Variants in BLTP3A observed in about 807,000 individuals in gnomAD.
BLTP3A encodes the protein ICBP90 binding protein 1.
chr6:34,802,808 A>G, the BLTP3A span, among the ~76,000 whole-genome samples: 44 of 152,284 alleles, frequency 2.9e-4, no homozygotes, highest in East Asian at 7.7e-3. Flanking sequence ...CTTTTATATT[A>G]TACTTTGGAC....
chr6:34,821,677 C>T, the BLTP3A span: 1 of 1,612,468 alleles, frequency 6.2e-7, no homozygotes, highest in Non-Finnish European at 8.5e-7. Flanking sequence ...TTTCCCCAGA[C>T]AAAATCAACC....
At chr6:34,811,300 A>G in the BLTP3A span, among the ~76,000 whole-genome samples, 2 of 152,218 alleles carry the variant, frequency 1.3e-5, no homozygotes, top group Non-Finnish European at 2.9e-5. Context: ...ATGGAAATGA[A>G]AAAGACCTAG....
At chr6:34,871,124 G>A in the BLTP3A span, 1 of 1,605,780 alleles carries the variant, frequency 6.2e-7, no homozygotes, top group Admixed American at 1.7e-5. Context: ...AAGGTGTGAG[G>A]AACCTTTGGT....
the BLTP3A span, among the ~76,000 whole-genome samples, chr6:34,857,143 C>T: frequency 1.3e-5 from 2 of 152,190 alleles, no homozygotes; most frequent in South Asian, 2.1e-4. Flanking sequence ...TTGAACCTCC[C>T]GCTGAAAAAA....
chr6:34,872,347 T>C, the BLTP3A span: 31 of 1,611,828 alleles, frequency 1.9e-5, no homozygotes, highest in African/African-American at 9.4e-5. Flanking sequence ...AAAGAACTTA[T>C]AGAAACTAAA....
chr6:34,852,420 T>C, the BLTP3A span, among the ~76,000 whole-genome samples: 1,287 of 152,230 alleles, frequency 8.5e-3, 19 homozygotes, highest in African/African-American at 0.027. Flanking sequence ...TATCTAGAAA[T>C]GTCATGCGGG....
the BLTP3A span, among the ~76,000 whole-genome samples, chr6:34,839,535 C>T: frequency 6.6e-6 from 1 of 152,186 alleles, no homozygotes; most frequent in Non-Finnish European, 1.5e-5. Context: ...AGATATGTGT[C>T]AGGTCCATGA....
At chr6:34,808,346 CAAAAAAAAA>C in the BLTP3A span, among the ~76,000 whole-genome samples, 80 of 26,722 alleles carry the variant, frequency 3.0e-3, no homozygotes, top group African/African-American at 0.011. Flanking sequence ...AACTCCGTCT[CAAAAAAAAA>C]AAAAAAAAAA....
At chr6:34,822,134 A>G in the BLTP3A span, among the ~76,000 whole-genome samples, 3 of 152,042 alleles carry the variant, frequency 2.0e-5, no homozygotes, top group East Asian at 5.8e-4. Context: ...GAACTGCTGT[A>G]TGGTATAGGA....
the BLTP3A span, among the ~76,000 whole-genome samples, chr6:34,844,340 T>C: frequency 6.6e-6 from 1 of 152,186 alleles, no homozygotes; most frequent in African/African-American, 2.4e-5. Context: ...AGTGGCAAGA[T>C]GTCAGCTTAC....
chr6:34,834,359 C>A, the BLTP3A span: 1 of 1,613,896 alleles, frequency 6.2e-7, no homozygotes, highest in Non-Finnish European at 8.5e-7. Flanking sequence ...CAACTGGCAG[C>A]AGAGTGACCT....
chr6:34,813,881 G>T, the BLTP3A span, among the ~76,000 whole-genome samples: 1 of 152,148 alleles, frequency 6.6e-6, no homozygotes, highest in Admixed American at 6.5e-5. Flanking sequence ...CCCTCTCCAG[G>T]TGATGAGAGA....
chr6:34,831,964 A>G, the BLTP3A span, among the ~76,000 whole-genome samples: 1 of 151,862 alleles, frequency 6.6e-6, no homozygotes, highest in Non-Finnish European at 1.5e-5. Flanking sequence ...ACAGGTGTGC[A>G]CCACCACGCC....
chr6:34,835,316 C>G, the BLTP3A span: 1 of 1,614,142 alleles, frequency 6.2e-7, no homozygotes, highest in South Asian at 1.1e-5. Flanking sequence ...AATGTGATAT[C>G]CTCCAAGCTG....
At chr6:34,853,573 C>CT in the BLTP3A span, among the ~76,000 whole-genome samples, 3 of 151,730 alleles carry the variant, frequency 2.0e-5, no homozygotes, top group African/African-American at 4.8e-5. Context: ...CTTTTCTTTT[C>CT]TTTTTTTGAG....
the BLTP3A span, among the ~76,000 whole-genome samples, chr6:34,833,741 A>G: frequency 6.6e-6 from 1 of 151,958 alleles, no homozygotes; most frequent in Non-Finnish European, 1.5e-5. Flanking sequence ...ATCCTGGCCA[A>G]CATGGGGAAA....
At chr6:34,799,489 G>T in the BLTP3A span, among the ~76,000 whole-genome samples, 118 of 107,472 alleles carry the variant, frequency 1.1e-3, 1 homozygote, top group African/African-American at 4.6e-3. Flanking sequence ...GACCCTGTCT[G>T]GGAAAAAAAA....
the BLTP3A span, among the ~76,000 whole-genome samples, chr6:34,844,047 CTTTG>C: frequency 1.3e-5 from 2 of 151,220 alleles, no homozygotes; most frequent in Non-Finnish European, 2.9e-5. Context: ...GTGGCGTGAT[CTTTG>C]CTTACTGCAA....
the BLTP3A span, among the ~76,000 whole-genome samples, chr6:34,833,334 G>C: frequency 5.6e-4 from 85 of 152,146 alleles, 1 homozygote; most frequent in Middle Eastern, 3.4e-3. Context: ...AGGTGGGACT[G>C]ATTTTGAACC....
Sources: allele counts gnomAD v4.1 joint callset (sites outside exome capture counted in the v4.1 genomes callset), GRCh38; gene constraint gnomAD v4.1.1; transcripts MANE v1.5; gene names NCBI Gene and HGNC (gene_info 2026-07-23, HGNC 2026-07-21).